The following OMA1 variants were observed in gnomAD, a reference collection of about 807,000 sequenced individuals.
The protein encoded by OMA1 is OMA1 zinc metallopeptidase, also known as metalloendopeptidase OMA1, mitochondrial.
A neutral mutation model predicts 30.9 loss-of-function variants in OMA1; 38 were observed. The observed-to-expected ratio is 1.23, with a 90% CI of 0.95 to 1.61. The LOEUF (loss-of-function observed/expected upper bound fraction) is 1.61, where lower values mean the gene tolerates loss of function less well. OMA1 is among the 40% of genes most tolerant of loss of function. The pLI is 0.00. For synonymous variants in OMA1, 173 were observed against 121.9 expected (o/e 1.42, Z -2.76); for missense variants, 461 against 349.2 (o/e 1.32, Z -2.55).
intron 8 of OMA1, among the ~76,000 whole-genome samples, chr1:58,485,140 C>G (rs990218349): frequency 2.9e-5 from 4 of 139,084 alleles, no homozygotes; most frequent in African/African-American, 1.1e-4. Flanking sequence ...TGTGAGTATG[C>G]GGGGACAGAT....
chr1:58,490,774 TG>T (rs1478633863), intron 8 of OMA1, among the ~76,000 whole-genome samples: 2 of 122,976 alleles, frequency 1.6e-5, no homozygotes, highest in African/African-American at 5.9e-5. Flanking sequence ...CAGAAGAGAG[TG>T]GGGGCCAATA....
Position 58,534,013 on chromosome 1 carries a change from A to T in OMA1, c.951T>A (p.Asp317Glu). ...CCAGAAGGAAAGAAAGTTGATGAAT[A>T]TCGGTTACACTATTTAAAAATCCAG... ...VFTGFLNSVT[D>E]IHQLSFLLGH... The change falls in exon 5 of 9, where the codon GAT (aspartate) becomes GAA (glutamate). Residue 317 changes from aspartate (D) to glutamate (E), a missense_variant. Coordinates refer to ENST00000371226, the MANE Select transcript of OMA1 (RefSeq NM_145243.5). 1 of 871,802 alleles carries T rather than the reference A, an allele frequency of 1.1e-6. No individual in the cohort carries two copies. The highest frequency in any genetic ancestry group is 2.0e-6 in the Non-Finnish European group (1 of 501,428). The allele number at this position is 871,802 out of a possible 1,614,324, so 54.0% of individuals were successfully genotyped here.
intron 8 of OMA1, among the ~76,000 whole-genome samples, chr1:58,493,972 C>A (rs1645747882): frequency 6.8e-6 from 1 of 146,648 alleles, no homozygotes; most frequent in Non-Finnish European, 1.5e-5. Context: ...CAATCCTAAG[C>A]AAAAAGAACA....
chr1:58,501,669 C>T (rs4912195), intron 8 of OMA1, among the ~76,000 whole-genome samples: 47,304 of 152,036 alleles, frequency 0.31, 7,794 homozygotes, highest in African/African-American at 0.42. Context: ...CCTTCTTTGA[C>T]TGCTGAAGGA....
At chr1:58,529,552 T>C (rs912929260) in intron 6 of OMA1, among the ~76,000 whole-genome samples, 21 of 152,168 alleles carry the variant, frequency 1.4e-4, no homozygotes, top group Non-Finnish European at 2.5e-4. Flanking sequence ...TTCAAAGCAA[T>C]GATATTTTAA....
intron 8 of OMA1, among the ~76,000 whole-genome samples, chr1:58,489,631 G>C (rs1645641384): frequency 2.0e-5 from 3 of 152,194 alleles, no homozygotes; most frequent in African/African-American, 7.2e-5. Flanking sequence ...TCTGAGAACA[G>C]ACAGACTGCC....
Position 58,498,937 on chromosome 1 carries a change from T to A in OMA1, c.1365+7123A>T, listed in dbSNP as rs1017692436. Among the ~76,000 whole-genome samples the A allele has an allele frequency of 3.7e-4, 56 of 151,992 alleles. 1 individual carries two copies. The highest frequency in any genetic ancestry group is 5.0e-4 in the Non-Finnish European group (34 of 67,960). On this transcript the variant is annotated intron_variant, in intron 8 of 8. Transcript: ENST00000371226. Reference sequence around the variant, plus strand: ...AATAATTTAAAGTAAATACAAAAAATTAAAAATTAAGGCCACCTTGACATA... The same window carrying A: ...AATAATTTAAAGTAAATACAAAAAAATAAAAATTAAGGCCACCTTGACATA...
intron 8 of OMA1, among the ~76,000 whole-genome samples, chr1:58,505,704 C>A (rs970874493): frequency 6.6e-6 from 1 of 151,988 alleles, no homozygotes; most frequent in African/African-American, 2.4e-5. Flanking sequence ...GTATTTTTAA[C>A]AAAAAGCTTA....
chr1:58,536,443 C>A, intron 3 of OMA1, 70 bp downstream of exon 3: 1 of 727,214 alleles, frequency 1.4e-6, no homozygotes. Context: ...ATATCTTTCA[C>A]ATTTAAGATA....
chr1:58,533,664 A>G lies in OMA1; in HGVS notation c.1011+289T>C, dbSNP rs552499684. 4.6e-5 allele frequency among the ~76,000 whole-genome samples: 7 copies of G among 152,290 alleles called. No individual in the cohort carries two copies. The South Asian group carries it at 1.5e-3, about 32-fold the overall frequency. On this transcript the variant is annotated intron_variant, in intron 5 of 8. Coordinates refer to ENST00000371226, the MANE Select transcript of OMA1 (RefSeq NM_145243.5). ...ATATTAATAATTATAGAAAGTTTAA[A>G]ATTTAATTTGAAATAATTAGGGGTT...
intron 8 of OMA1, among the ~76,000 whole-genome samples, chr1:58,489,019 C>T (rs570600735): frequency 1.6e-4 from 25 of 152,348 alleles, no homozygotes; most frequent in African/African-American, 4.8e-4. Context: ...GCGTCAGCGA[C>T]GCAGAAGACG....
At position 58,535,564 on chromosome 1, in the gene OMA1, A is replaced by T. The variant is rs147987770; in HGVS notation, c.729+949T>A. On this transcript the variant is annotated intron_variant, in intron 3 of 8. Transcript: ENST00000371226. The stretch of plus-strand genomic sequence containing the variant: ...TGAGCCAAGATGGCACCACTGCAGT[A>T]CAGCCTGGGTGACAGAGCAAGTCTC... 4.2e-3 allele frequency among the ~76,000 whole-genome samples: 619 copies of T among 147,824 alleles called. 3 individuals carry two copies. The highest frequency in any genetic ancestry group is 0.015 in the African/African-American group (600 of 40,082).
At chr1:58,490,693 A>G (rs1377687547) in intron 8 of OMA1, among the ~76,000 whole-genome samples, 1 of 152,044 alleles carries the variant, frequency 6.6e-6, no homozygotes, top group Admixed American at 6.6e-5. Flanking sequence ...AGCTAGAGAG[A>G]AAGGTCGGGT....
intron 7 of OMA1, among the ~76,000 whole-genome samples, chr1:58,522,120 T>C (rs942133996): frequency 6.6e-6 from 1 of 152,182 alleles, no homozygotes. Context: ...ATTTGCCCAA[T>C]AACAGATTAA....
chr1:58,510,189 A>G (rs1260818170), intron 7 of OMA1, among the ~76,000 whole-genome samples: 4 of 152,108 alleles, frequency 2.6e-5, no homozygotes. Flanking sequence ...AAAAAAAATT[A>G]CGGGCCAATA....
intron 8 of OMA1, among the ~76,000 whole-genome samples, chr1:58,502,577 A>G (rs1645923683): frequency 6.6e-6 from 1 of 152,238 alleles, no homozygotes; most frequent in Non-Finnish European, 1.5e-5. Flanking sequence ...TAGGTAGAAC[A>G]TAACATACTC....
chr1:58,508,620 G>T (rs1363564510), intron 7 of OMA1, among the ~76,000 whole-genome samples: 1 of 152,140 alleles, frequency 6.6e-6, no homozygotes, highest in Admixed American at 6.5e-5. Flanking sequence ...CTTGGCTTGT[G>T]TATCTAACAT....
At position 58,539,169 on chromosome 1, in the gene OMA1, T is replaced by C. The variant is rs1180979708; in HGVS notation, c.126A>G (p.Gln42=). The C allele has an allele frequency of 1.1e-6, 1 of 872,998 alleles. No individual in the cohort carries two copies. The highest frequency in any genetic ancestry group is 2.0e-6 in the Non-Finnish European group (1 of 501,666). 54.1% of individuals were successfully genotyped at this position (872,998 alleles called of 1,614,324 possible). A position where few individuals can be genotyped will look rare whatever the true frequency, so the allele number is the denominator to read the frequency against. The change falls in exon 2 of 9, where the codon CAA becomes CAG. Residue 42 remains glutamine, a synonymous_variant. Coordinates refer to ENST00000371226, the MANE Select transcript of OMA1 (RefSeq NM_145243.5). ...ASTSRGCHQV[Q]VNHIVNKYQG... is the part of the protein sequence containing the mutation. The stretch of plus-strand genomic sequence containing the variant: ...GATACTTATTTACTATATGGTTAAC[T>C]TGTACTTGATGACAGCCCCGTGAGG...
At chr1:58,495,186 G>A (rs967363104) in intron 8 of OMA1, among the ~76,000 whole-genome samples, 4 of 151,986 alleles carry the variant, frequency 2.6e-5, no homozygotes, top group Admixed American at 6.6e-5. Flanking sequence ...ACTAAACACT[G>A]CAGGTTCTCA....
Sources: gnomAD v4.1 joint callset for allele counts (sites outside exome capture counted in the v4.1 genomes callset) on GRCh38, gnomAD v4.1.1 for gene constraint, MANE v1.5 for transcripts, NCBI Gene and HGNC (gene_info 2026-07-23, HGNC 2026-07-21) for gene names.